Variants in CACNA1D observed in about 807,000 individuals in gnomAD.
CACNA1D encodes the protein voltage-dependent L-type calcium channel subunit alpha-1D.
A neutral mutation model predicts 257.1 loss-of-function variants in CACNA1D; 55 were observed. The observed-to-expected ratio is 0.21, with a 90% CI of 0.17 to 0.27. The LOEUF is 0.27. Among genes scored for constraint, CACNA1D ranks in the 10% least tolerant of loss-of-function variants. CACNA1D has a pLI of 1.00. For missense variants in CACNA1D, 1,876 were observed against 2,784.0 expected (o/e 0.67, Z 7.34); for synonymous variants, 980 against 1,014.9 (o/e 0.97, Z 0.65).
intron 3 of CACNA1D, among the ~76,000 whole-genome samples, chr3:53,625,736 T>A (rs2093750863): frequency 1.3e-5 from 2 of 152,242 alleles, no homozygotes; most frequent in African/African-American, 4.8e-5. Context: ...CACCCAGATT[T>A]CTATTAGACC....
chr3:53,516,696 A>G (rs940649039), intron 3 of CACNA1D, among the ~76,000 whole-genome samples: 22 of 152,236 alleles, frequency 1.4e-4, no homozygotes, highest in African/African-American at 5.3e-4. Flanking sequence ...GCAATGAACT[A>G]GTAGGGCCTG....
intron 3 of CACNA1D, among the ~76,000 whole-genome samples, chr3:53,521,408 A>G (rs2091570855): frequency 6.6e-6 from 1 of 152,176 alleles, no homozygotes; most frequent in African/African-American, 2.4e-5. Flanking sequence ...CGTAATATAC[A>G]TTGTTAGAAG....
intron 10 of CACNA1D, chr3:53,718,601 C>CCCCCCCCAAAAA: frequency 9.1e-7 from 1 of 1,103,190 alleles, no homozygotes; most frequent in Non-Finnish European, 1.3e-6. Context: ...CCCCCCGGCC[C>CCCCCCCCAAAAA]AGCATTTCAC....
chr3:53,603,539 A>G (rs1289393883), intron 3 of CACNA1D, among the ~76,000 whole-genome samples: 1 of 152,198 alleles, frequency 6.6e-6, no homozygotes, highest in African/African-American at 2.4e-5. Context: ...ACACTGTGAA[A>G]TCATTTGATT....
At chr3:53,694,883 G>A (rs1268115413) in intron 8 of CACNA1D, among the ~76,000 whole-genome samples, 3 of 152,196 alleles carry the variant, frequency 2.0e-5, no homozygotes, top group Non-Finnish European at 2.9e-5. Flanking sequence ...TGCAGTCACA[G>A]TGGGGTGGGC....
At chr3:53,807,595 G>C (rs2095573603) in intron 45 of CACNA1D, 1 of 152,288 alleles carries the variant, frequency 6.6e-6, no homozygotes. Flanking sequence ...AGGAGCCATA[G>C]AAATGCCTTG....
Position 53,784,041 on chromosome 3 carries a change from GGT to G in CACNA1D, c.4792+2378_4792+2379del, listed in dbSNP as rs1268472171. On this transcript the variant is annotated intron_variant, in intron 39 of 47. Transcript: ENST00000350061. The stretch of plus-strand genomic sequence containing the variant: ...GGGTGGCTTCGCTAGTGTGCTGTGA[GGT>G]GTGGCCTGGCTCCTCATGAGCCTGA... 2.0e-5 allele frequency among the ~76,000 whole-genome samples: 3 copies of G among 152,334 alleles called. No homozygotes were observed. The East Asian group carries it at 5.8e-4, about 29-fold the overall frequency.
At chr3:53,667,020 A>T (rs745831239) in intron 7 of CACNA1D, among the ~76,000 whole-genome samples, 10 of 152,190 alleles carry the variant, frequency 6.6e-5, no homozygotes, top group Non-Finnish European at 1.5e-4. Context: ...ACTCAGTATA[A>T]CCTTAAACCC....
chr3:53,723,855 G>T lies in CACNA1D; in HGVS notation c.1956G>T (p.Ser652=), dbSNP rs746739986. The change falls in exon 14 of 48, where the codon TCG becomes TCT. Residue 652 remains serine (S), a synonymous_variant. Transcript: ENST00000350061. This position sits in a 1 kb window ranked among gnomAD's most constrained non-coding sequence, Gnocchi z 5.6. ...SLLNSMKSIA[S]LLLLLFLFII... ...TAAACTCCATGAAGTCCATCGCTTC[G>T]CTGTTGCTTCTGCTTTTTCTCTTCA... 94 of 1,614,014 alleles carry T rather than the reference G, an allele frequency of 5.8e-5. No individual in the cohort carries two copies. Among genetic ancestry groups the T allele is most frequent in the Non-Finnish European group, 7.8e-5 (92 of 1,180,030 alleles).
chr3:53,721,994 G>C (rs114158119), intron 11 of CACNA1D, among the ~76,000 whole-genome samples: 1 of 152,306 alleles, frequency 6.6e-6, no homozygotes, highest in East Asian at 1.9e-4. Flanking sequence ...GCATCTGCAC[G>C]TGAATCTATG....
chr3:53,712,198 A>G lies in CACNA1D; in HGVS notation c.1391-6103A>G, dbSNP rs181971542. Among the ~76,000 whole-genome samples the G allele has an allele frequency of 2.2e-4, 33 of 152,244 alleles. No individual in the cohort carries two copies. The East Asian group carries it at 6.4e-3, about 29-fold the overall frequency. On this transcript the variant is annotated intron_variant, in intron 9 of 47. Transcript: ENST00000350061. The stretch of plus-strand genomic sequence containing the variant: ...CTTTAAGGATTCTTGTGCCTTCTCC[A>G]TTGTCTTTCTGAGATCTGCAGGGAG...
At chr3:53,530,318 GGT>G (rs962893016) in intron 3 of CACNA1D, 1 of 152,064 alleles carries the variant, frequency 6.6e-6, no homozygotes, top group African/African-American at 2.4e-5. Context: ...AAGAGTTTTG[GGT>G]GTGTGTTGTC....
rs79701736 is a variant in CACNA1D at position 53,724,108 on chromosome 3, C to G, written c.2100+109C>G. On this transcript the variant is annotated intron_variant, in intron 14 of 47. Transcript: ENST00000350061. ...AAGACAAAAGGACTCCATTTTTGTT[C>G]ATCTCTGCCCTAATCATAGCCTGGT... 1,266 of 866,750 alleles carry G rather than the reference C, an allele frequency of 1.5e-3. 22 individuals are homozygous for G. The East Asian group carries it at 0.03, about 21-fold the overall frequency. 53.7% of individuals were successfully genotyped at this position (866,750 alleles called of 1,614,324 possible).
At chr3:53,593,597 G>A (rs558057370) in intron 3 of CACNA1D, among the ~76,000 whole-genome samples, 1 of 152,196 alleles carries the variant, frequency 6.6e-6, no homozygotes, top group Admixed American at 6.5e-5. Flanking sequence ...GGGTGTCTGA[G>A]GATTGTAAAA....
intron 30 of CACNA1D, among the ~76,000 whole-genome samples, chr3:53,764,347 G>A (rs568683052): frequency 2.5e-4 from 38 of 152,158 alleles, no homozygotes; most frequent in Non-Finnish European, 2.6e-4. Context: ...CAATCTACTC[G>A]GAGGTATATT....
intron 3 of CACNA1D, among the ~76,000 whole-genome samples, chr3:53,585,714 C>T (rs1028469902): frequency 1.3e-5 from 2 of 152,214 alleles, no homozygotes; most frequent in African/African-American, 4.8e-5. Flanking sequence ...AATGACTGTG[C>T]TCCACCTGGG....
chr3:53,529,022 A>G (rs1337830305), intron 3 of CACNA1D, among the ~76,000 whole-genome samples: 3 of 152,202 alleles, frequency 2.0e-5, no homozygotes, highest in Admixed American at 6.5e-5. Flanking sequence ...TTGCCTTGTA[A>G]CATTGGCTAA....
chr3:53,555,441 T>TGTGG lies in CACNA1D; in HGVS notation c.483+53724_483+53725insGGTG. On this transcript the variant is annotated intron_variant, in intron 3 of 47. Coordinates refer to ENST00000350061, the MANE Select transcript of CACNA1D (RefSeq NM_001128840.3). The stretch of plus-strand genomic sequence containing the variant: ...CTCTGGCTGCTTTTTCTGGTGGGTG[T>TGTGG]GTGTGTGTGTGTGTGTGTGTTTTTT... Among the ~76,000 whole-genome samples, 4 of 108,926 alleles carry TGTGG rather than the reference T, an allele frequency of 3.7e-5. 1 individual carries two copies. In the South Asian group the frequency reaches 1.2e-3, roughly 32 times the overall value. The allele number at this position is 108,926 out of a possible 152,430, so 71.5% of individuals were successfully genotyped here.
chr3:53,520,285 A>T (rs2091500352), intron 3 of CACNA1D, among the ~76,000 whole-genome samples: 1 of 152,194 alleles, frequency 6.6e-6, no homozygotes, highest in Non-Finnish European at 1.5e-5. Flanking sequence ...CAATTTCTGT[A>T]CGTCTTTGCT....
Sources: gnomAD v4.1 joint callset for allele counts (sites outside exome capture counted in the v4.1 genomes callset) on GRCh38, gnomAD v4.1.1 for gene constraint, Gnocchi (gnomAD v3.1) non-coding constraint, MANE v1.5 for transcripts, NCBI Gene and HGNC (gene_info 2026-07-23, HGNC 2026-07-21) for gene names.